The following GALNT18 variants were observed in gnomAD, a reference collection of about 807,000 sequenced individuals.
GALNT18 encodes polypeptide N-acetylgalactosaminyltransferase 18.
In GALNT18, 44 loss-of-function variants were observed where a neutral mutation model predicts 69.5. The ratio of observed to expected loss-of-function variants is 0.63; its 90% CI spans 0.50 to 0.81. The LOEUF (loss-of-function observed/expected upper bound fraction) is 0.81. Ranked by LOEUF, GALNT18 falls within the 40% of genes least tolerant of loss-of-function variation. GALNT18 has a pLI of 0.00. For missense variants in GALNT18, 715 were observed against 810.0 expected, an observed-to-expected ratio of 0.88 and a Z score of 1.42; for synonymous variants, 364 against 318.2, an observed-to-expected ratio of 1.14 and a Z score of -1.53.
intron 10 of GALNT18, among the ~76,000 whole-genome samples, chr11:11,272,781 G>T (rs764518885): frequency 2.6e-5 from 4 of 152,074 alleles, no homozygotes; most frequent in African/African-American, 9.7e-5. Flanking sequence ...AAGCTGGGCT[G>T]GTGCTCTTCA....
chr11:11,620,133 G>A lies in GALNT18; in HGVS notation c.235+1226C>T, dbSNP rs1860151737. ...CGTGTAAACAAAAGGGAGTGCTCCT[G>A]GCGGGGGGGTGGGGGGTAAGCCTTC... On this transcript the variant is annotated intron_variant, in intron 1 of 10. Transcript: ENST00000227756. This position sits in a 1 kb window ranked among gnomAD's most constrained non-coding sequence, Gnocchi z 6.9. Among the ~76,000 whole-genome samples, 1 of 151,950 alleles carries A rather than the reference G, an allele frequency of 6.6e-6. No homozygotes were observed. Among genetic ancestry groups the A allele is most frequent in the African/African-American group, 2.4e-5 (1 of 41,380 alleles).
At chr11:11,299,667 G>C (rs1001381949) in intron 9 of GALNT18, among the ~76,000 whole-genome samples, 7 of 152,230 alleles carry the variant, frequency 4.6e-5, no homozygotes, top group African/African-American at 1.7e-4. Context: ...GTTCATGGCT[G>C]AGAAGTATTC....
Position 11,383,278 on chromosome 11 carries a change from C to T in GALNT18, c.596-4014G>A, listed in dbSNP as rs1030193394. On this transcript the variant is annotated intron_variant, in intron 3 of 10. Coordinates refer to ENST00000227756, the MANE Select transcript of GALNT18 (RefSeq NM_198516.3). The surrounding 1 kb of genome is among the most constrained non-coding windows in gnomAD (Gnocchi z 5.2). ...TGGTCAAACAGAGCCCTTCTCCCTT[C>T]CTCATCTACCCCCTTCCACTGCTTC... Among the ~76,000 whole-genome samples, 3 of 152,228 alleles carry T rather than the reference C, an allele frequency of 2.0e-5. No homozygotes were observed. Among genetic ancestry groups the T allele is most frequent in the African/African-American group, 7.2e-5 (3 of 41,460 alleles).
intron 1 of GALNT18, among the ~76,000 whole-genome samples, chr11:11,502,803 G>A (rs966363190): frequency 1.6e-4 from 25 of 152,156 alleles, no homozygotes; most frequent in African/African-American, 4.3e-4. Context: ...GAGGCGTAGC[G>A]TATCCTCAGA....
Position 11,383,228 on chromosome 11 carries a change from A to T in GALNT18, c.596-3964T>A, listed in dbSNP as rs1853964423. ...CTCATTTCTTCAGACTTAGACGCCA[A>T]GGAAACACAGGGGATTCACCAGCCT... On this transcript the variant is annotated intron_variant, in intron 3 of 10. Transcript: ENST00000227756. This position sits in a 1 kb window ranked among gnomAD's most constrained non-coding sequence, Gnocchi z 5.2. 6.6e-6 allele frequency among the ~76,000 whole-genome samples: 1 copy of T among 152,198 alleles called. No homozygotes were observed. Among genetic ancestry groups the T allele is most frequent in the Non-Finnish European group, 1.5e-5 (1 of 68,040 alleles).
intron 3 of GALNT18, among the ~76,000 whole-genome samples, chr11:11,418,016 T>C (rs145196074): frequency 4.2e-4 from 64 of 152,368 alleles, no homozygotes; most frequent in African/African-American, 1.4e-3. Context: ...GCGGGGTGTA[T>C]ATACCTGCGA....
In GALNT18 at chr11:11,596,840, G is replaced by C. The variant is rs531184644; in HGVS notation, c.235+24519C>G. On this transcript the variant is annotated intron_variant, in intron 1 of 10. Transcript: ENST00000227756. The surrounding 1 kb of genome is among the most constrained non-coding windows in gnomAD (Gnocchi z 4.2). Reference sequence around the variant, plus strand: ...AAACATCTGGTATAATATTAAATAGGCGTGATGACAGCAGATATGCTTCTG... The same window carrying C: ...AAACATCTGGTATAATATTAAATAGCCGTGATGACAGCAGATATGCTTCTG... Among the ~76,000 whole-genome samples, 1,134 of 152,104 alleles carry C rather than the reference G, an allele frequency of 7.5e-3. 19 individuals carry two copies. Among genetic ancestry groups the C allele is most frequent in the African/African-American group, 0.026 (1,080 of 41,486 alleles).
At position 11,575,536 on chromosome 11, in the gene GALNT18, C is replaced by T. The variant is rs371607549; in HGVS notation, c.235+45823G>A. Among the ~76,000 whole-genome samples, 5 of 152,328 alleles carry T rather than the reference C, an allele frequency of 3.3e-5. 1 individual carries two copies. In the East Asian group the frequency reaches 9.7e-4, roughly 29 times the overall value. On this transcript the variant is annotated intron_variant, in intron 1 of 10. Coordinates refer to ENST00000227756, the MANE Select transcript of GALNT18 (RefSeq NM_198516.3). ...GGCCCAGGCCCTCCTCCCTTTGAAA[C>T]CTCAGTCTCTTCATTTGGATAAGAT...
rs1856130789 is a variant in GALNT18 at position 11,465,204 on chromosome 11, G to A, written c.236-16268C>T. Among the ~76,000 whole-genome samples the A allele has an allele frequency of 6.6e-6, 1 of 152,172 alleles. No homozygotes were observed. The highest frequency in any genetic ancestry group is 2.4e-5 in the African/African-American group (1 of 41,434). On this transcript the variant is annotated intron_variant, in intron 1 of 10. Coordinates refer to ENST00000227756, the MANE Select transcript of GALNT18 (RefSeq NM_198516.3). This position sits in a 1 kb window ranked among gnomAD's most constrained non-coding sequence, Gnocchi z 5.7. Reference sequence around the variant, plus strand: ...GATCCTCAGCCCCATTCCTGCTGAGGTCAGGGGAGGAAGGGATGTCAAGGA... The same window carrying A: ...GATCCTCAGCCCCATTCCTGCTGAGATCAGGGGAGGAAGGGATGTCAAGGA...
chr11:11,510,674 T>C (rs1206017951), intron 1 of GALNT18, among the ~76,000 whole-genome samples: 1 of 152,222 alleles, frequency 6.6e-6, no homozygotes, highest in East Asian at 1.9e-4. Context: ...TTTAAGGAGT[T>C]ATCCAGCTAC....
chr11:11,425,383 G>C (rs1362666800), intron 3 of GALNT18, among the ~76,000 whole-genome samples: 1 of 152,222 alleles, frequency 6.6e-6, no homozygotes, highest in Non-Finnish European at 1.5e-5. Context: ...CAAGTGATGG[G>C]CTGGATTCAG....
intron 1 of GALNT18, among the ~76,000 whole-genome samples, chr11:11,609,285 C>T (rs989547023): frequency 6.6e-6 from 1 of 152,202 alleles, no homozygotes; most frequent in African/African-American, 2.4e-5. Context: ...TCCCCTACCC[C>T]CTTTTCCCAC....
intron 1 of GALNT18, among the ~76,000 whole-genome samples, chr11:11,568,839 T>C (rs531413495): frequency 6.6e-6 from 1 of 152,360 alleles, no homozygotes; most frequent in Non-Finnish European, 1.5e-5. Flanking sequence ...TCTTAGCCGA[T>C]AGCTGAGATG....
In GALNT18 at chr11:11,356,472, C is replaced by T. The variant is rs180828118; in HGVS notation, c.1093-15468G>A. On this transcript the variant is annotated intron_variant, in intron 6 of 10. Coordinates refer to ENST00000227756, the MANE Select transcript of GALNT18 (RefSeq NM_198516.3). This position sits in a 1 kb window ranked among gnomAD's most constrained non-coding sequence, Gnocchi z 4.4. ...GAGCTTTAACATACATTGTGAGCTT[C>T]CAGGTTTCTTTGGCTTTTGTTTTTG... Among the ~76,000 whole-genome samples the T allele has an allele frequency of 6.6e-6, 1 of 152,272 alleles. No homozygotes were observed. Among genetic ancestry groups the T allele is most frequent in the Non-Finnish European group, 1.5e-5 (1 of 68,020 alleles).
chr11:11,557,149 TG>T (rs1463400525), intron 1 of GALNT18, among the ~76,000 whole-genome samples: 1 of 152,200 alleles, frequency 6.6e-6, no homozygotes, highest in Non-Finnish European at 1.5e-5. Flanking sequence ...GTCACAGAGG[TG>T]CCTCCAGATC....
Position 11,584,195 on chromosome 11 carries a change from T to C in GALNT18, c.235+37164A>G, listed in dbSNP as rs369398753. On this transcript the variant is annotated intron_variant, in intron 1 of 10. Transcript: ENST00000227756. The surrounding 1 kb of genome is among the most constrained non-coding windows in gnomAD (Gnocchi z 4.1). ...GGTAGGACAAGTGGGCCAGCGGCAATAAAATTAGAGCAAAGTGTCCTTCCA... is the reference window on the plus strand; with the variant it reads ...GGTAGGACAAGTGGGCCAGCGGCAACAAAATTAGAGCAAAGTGTCCTTCCA... Among the ~76,000 whole-genome samples the C allele has an allele frequency of 3.3e-5, 5 of 151,752 alleles. No individual in the cohort carries two copies. In the South Asian group the frequency reaches 8.4e-4, roughly 25 times the overall value.
rs748379265 is a variant in GALNT18 at position 11,396,615 on chromosome 11, C to A, written c.596-17351G>T. 7.9e-5 allele frequency among the ~76,000 whole-genome samples: 12 copies of A among 152,042 alleles called. No homozygotes were observed. Among genetic ancestry groups the A allele is most frequent in the Admixed American group, 2.6e-4 (4 of 15,278 alleles). On this transcript the variant is annotated intron_variant, in intron 3 of 10. Coordinates refer to ENST00000227756, the MANE Select transcript of GALNT18 (RefSeq NM_198516.3). The surrounding 1 kb of genome is among the most constrained non-coding windows in gnomAD (Gnocchi z 5.2). ...CATGGCAATTGCAAAGATTTGCACG[C>A]GGGACTCCAGTCTGGGGCAATAGTG...
chr11:11,611,779 G>A (rs1211386214), intron 1 of GALNT18, among the ~76,000 whole-genome samples: 2 of 152,176 alleles, frequency 1.3e-5, no homozygotes, highest in Non-Finnish European at 2.9e-5. Flanking sequence ...GTCTGCAGCT[G>A]GAACACTCCG....
At chr11:11,335,899 C>T (rs1850103416) in intron 7 of GALNT18, among the ~76,000 whole-genome samples, 1 of 152,132 alleles carries the variant, frequency 6.6e-6, no homozygotes, top group African/African-American at 2.4e-5. Context: ...TCTGCTGGCA[C>T]CTGAATGTTA....
Sources: gnomAD v4.1 joint callset for allele counts (sites outside exome capture counted in the v4.1 genomes callset) on GRCh38, gnomAD v4.1.1 for gene constraint, Gnocchi (gnomAD v3.1) non-coding constraint, MANE v1.5 for transcripts, NCBI Gene and HGNC (gene_info 2026-07-23, HGNC 2026-07-21) for gene names.